The following ALK variants were observed in gnomAD, a reference collection of about 807,000 sequenced individuals.
ALK encodes ALK receptor tyrosine kinase, also known as ALK tyrosine kinase receptor.
Under a neutral mutation model 163.1 loss-of-function variants are expected in ALK, and 74 were observed. The ratio of observed to expected loss-of-function variants is 0.45; its 90% confidence interval spans 0.38 to 0.55. The LOEUF (loss-of-function observed/expected upper bound fraction) is 0.55, where lower values mean the gene tolerates loss of function less well. Among genes scored for constraint, ALK ranks in the 20% least tolerant of loss-of-function variants. The pLI, the probability that ALK is intolerant of heterozygous loss-of-function variation, is 0.00. For missense variants in ALK, 2,063 were observed against 2,105.3 expected (o/e 0.98, Z 0.39); for synonymous variants, 960 against 843.2 (o/e 1.14, Z -2.40).
At position 29,339,718 on chromosome 2, in the gene ALK, C is replaced by T. The variant is rs73920791; in HGVS notation, c.1283-11237G>A. 1.0e-2 allele frequency among the ~76,000 whole-genome samples: 1,520 copies of T among 152,142 alleles called. 36 individuals are homozygous for T. Among genetic ancestry groups the T allele is most frequent in the African/African-American group, 0.034 (1,412 of 41,500 alleles). On this transcript the variant is annotated intron_variant, in intron 5 of 28. Transcript: ENST00000389048. ...AGAGATGGAGGGAGGTGAGTGGATA[C>T]GAAGGAGACCCTGATAGGACTGGCA...
At chr2:29,855,266 T>C (rs970525677) in intron 1 of ALK, among the ~76,000 whole-genome samples, 6 of 152,212 alleles carry the variant, frequency 3.9e-5, no homozygotes, top group African/African-American at 1.4e-4. Context: ...TTCCTTTCTA[T>C]AGTTGGATAC....
chr2:29,203,485 CTTTTTTTTTTTTTT>C (rs1156462365), intron 26 of ALK, among the ~76,000 whole-genome samples: 13 of 32,550 alleles, frequency 4.0e-4, no homozygotes, highest in South Asian at 2.1e-3. Context: ...GAGGATGTGC[CTTTTTTTTTTTTTT>C]TTTTTTTTTT....
chr2:29,762,659 A>G (rs1199081141), intron 1 of ALK, among the ~76,000 whole-genome samples: 2 of 152,248 alleles, frequency 1.3e-5, no homozygotes, highest in African/African-American at 4.8e-5. Flanking sequence ...GTGGCTCTGA[A>G]CTACAGAACA....
intron 3 of ALK, among the ~76,000 whole-genome samples, chr2:29,687,091 G>T (rs938871147): frequency 6.6e-6 from 1 of 152,040 alleles, no homozygotes; most frequent in African/African-American, 2.4e-5. Context: ...AGTATGATGA[G>T]AAATCATGCT....
At chr2:29,247,606 G>T (rs540819193) in intron 12 of ALK, among the ~76,000 whole-genome samples, 58 of 152,356 alleles carry the variant, frequency 3.8e-4, no homozygotes, top group African/African-American at 1.4e-3. Context: ...TGTAGAGGGT[G>T]GGAGGTGGGC....
At chr2:29,349,433 A>G (rs12996631) in intron 5 of ALK, among the ~76,000 whole-genome samples, 55,450 of 152,086 alleles carry the variant, frequency 0.36, 10,479 homozygotes, top group South Asian at 0.54. Context: ...ACACTGGCTT[A>G]ATAGTCCATT....
intron 3 of ALK, among the ~76,000 whole-genome samples, chr2:29,533,161 A>T (rs1195002035): frequency 6.6e-6 from 1 of 152,236 alleles, no homozygotes; most frequent in Non-Finnish European, 1.5e-5. Flanking sequence ...ATGAAGCATA[A>T]GACCGTGTCT....
chr2:29,434,847 G>A (rs1421399702), intron 4 of ALK, among the ~76,000 whole-genome samples: 1 of 152,128 alleles, frequency 6.6e-6, no homozygotes, highest in Non-Finnish European at 1.5e-5. Context: ...TAGGTCCATG[G>A]GGAATCCATT....
At chr2:29,414,413 A>G (rs78577801) in intron 4 of ALK, among the ~76,000 whole-genome samples, 1,906 of 152,264 alleles carry the variant, frequency 0.013, 34 homozygotes, top group African/African-American at 0.044. Context: ...CTGAACTGGG[A>G]TTAGGACTTT....
At chr2:29,601,178 G>A (rs1573490589) in intron 3 of ALK, among the ~76,000 whole-genome samples, 1 of 152,194 alleles carries the variant, frequency 6.6e-6, no homozygotes, top group East Asian at 1.9e-4. Context: ...AAGCAATACA[G>A]AAATATCAGG....
chr2:29,296,690 C>T (rs1666189286), intron 9 of ALK, among the ~76,000 whole-genome samples, 198 bp downstream of exon 9: 1 of 152,076 alleles, frequency 6.6e-6, no homozygotes, highest in African/African-American at 2.4e-5. Context: ...CTTGGAGAAG[C>T]TTGTAAACTG....
At chr2:29,439,482 G>C (rs1395452661) in intron 4 of ALK, among the ~76,000 whole-genome samples, 1 of 152,078 alleles carries the variant, frequency 6.6e-6, no homozygotes, top group African/African-American at 2.4e-5. Flanking sequence ...CAATATCGCT[G>C]CTCACAGGAC....
intron 3 of ALK, among the ~76,000 whole-genome samples, chr2:29,569,384 T>A (rs1355998297): frequency 6.6e-6 from 1 of 152,204 alleles, no homozygotes; most frequent in African/African-American, 2.4e-5. Flanking sequence ...AGTAATCCCA[T>A]CTGTATCCCT....
At chr2:29,311,963 C>G (rs1666709938) in intron 8 of ALK, among the ~76,000 whole-genome samples, 1 of 151,998 alleles carries the variant, frequency 6.6e-6, no homozygotes, top group Non-Finnish European at 1.5e-5. Context: ...GGGAGAGGAG[C>G]TGGTGGAGAT....
chr2:29,473,519 T>A (rs1314183671), intron 4 of ALK, among the ~76,000 whole-genome samples: 5 of 152,080 alleles, frequency 3.3e-5, no homozygotes, highest in Non-Finnish European at 5.9e-5. Flanking sequence ...CTGTAATATA[T>A]AAAGAAGCCC....
intron 5 of ALK, among the ~76,000 whole-genome samples, chr2:29,345,414 TTAAATAAATAAA>T (rs373752148): frequency 0.071 from 10,511 of 147,484 alleles, 495 homozygotes; most frequent in Non-Finnish European, 0.11. Context: ...CTGTCTTAAT[TTAAATAAATAAA>T]TAAATAAATA....
At chr2:29,386,155 G>C (rs1315599787) in intron 4 of ALK, among the ~76,000 whole-genome samples, 2 of 152,214 alleles carry the variant, frequency 1.3e-5, no homozygotes, top group Non-Finnish European at 2.9e-5. Flanking sequence ...GTGGGTGTCT[G>C]CTGAATGAAG....
intron 9 of ALK, among the ~76,000 whole-genome samples, chr2:29,283,087 C>T (rs866527351): frequency 6.2e-4 from 95 of 152,296 alleles, no homozygotes; most frequent in African/African-American, 2.1e-3. Flanking sequence ...CAAAAATACT[C>T]GACCTACAGT....
In ALK at chr2:29,226,067, T is replaced by C. The variant is rs1415572837; in HGVS notation, c.3068-502A>G. Among the ~76,000 whole-genome samples the C allele has an allele frequency of 2.0e-5, 3 of 151,818 alleles. No homozygotes were observed. In the East Asian group the frequency reaches 5.8e-4, roughly 29 times the overall value. On this transcript the variant is annotated intron_variant, in intron 18 of 28. Coordinates refer to ENST00000389048, the MANE Select transcript of ALK (RefSeq NM_004304.5). ...TGGACACTACATTTCAAAAGGGACA[T>C]CGATAGTGGAACACATGCAGAAGAG...
Sources: gnomAD v4.1 joint callset for allele counts (sites outside exome capture counted in the v4.1 genomes callset) on GRCh38, gnomAD v4.1.1 for gene constraint, MANE v1.5 for transcripts, NCBI Gene and HGNC (gene_info 2026-07-23, HGNC 2026-07-21) for gene names.